The following KIFC3 variants were observed in gnomAD, a reference collection of about 807,000 sequenced individuals.
KIFC3 encodes kinesin family member C3.
KIFC3 carries 60 observed loss-of-function variants against 101.8 expected under a neutral mutation model. The ratio of observed to expected loss-of-function variants is 0.59; its 90% CI spans 0.48 to 0.73. The LOEUF is 0.73. Ranked by LOEUF, KIFC3 falls within the 30% of genes least tolerant of loss-of-function variation. The pLI is 0.00. For missense variants in KIFC3, 966 were observed against 1,137.1 expected (o/e 0.85, Z 2.16); for synonymous variants, 476 against 482.7 (o/e 0.99, Z 0.18).
rs781852346 is a variant in KIFC3 at position 57,795,138 on chromosome 16, C to T, written c.176G>A (p.Arg59His). 33 of 1,610,036 alleles carry T rather than the reference C, an allele frequency of 2.0e-5. No individual in the cohort carries two copies. The South Asian group carries it at 2.4e-4, about 12-fold the overall frequency. The change falls in exon 3 of 20, where the codon CGT becomes CAT. Residue 59 changes from arginine (R) to histidine (H), a missense_variant. Coordinates refer to ENST00000445690, the MANE Select transcript of KIFC3 (RefSeq NM_001130100.2). Reference sequence around the variant, plus strand: ...ACCGCAGACTGGGGTATCTTTTCCACGCCCTGTCCCAGGACAGAGAGATAG... The same window carrying T: ...ACCGCAGACTGGGGTATCTTTTCCATGCCCTGTCCCAGGACAGAGAGATAG... Reference protein sequence around the residue: ...HTGPGRLRTGRGKDTPVCGDE... With the variant: ...HTGPGRLRTGHGKDTPVCGDE...
intron 1 of KIFC3, among the ~76,000 whole-genome samples, chr16:57,833,015 C>T (rs2055615704): frequency 1.3e-5 from 2 of 152,048 alleles, no homozygotes; most frequent in South Asian, 4.2e-4. Context: ...CAAGACCATC[C>T]TGGCCAACAT....
intron 3 of KIFC3, chr16:57,788,670 G>A (rs2053577506): frequency 2.0e-5 from 26 of 1,289,552 alleles, no homozygotes; most frequent in South Asian, 2.5e-5. Context: ...CTCTTCTTTC[G>A]TCCCCTGACT....
chr16:57,769,513 G>T lies in KIFC3; in HGVS notation c.1218+82C>A, dbSNP rs1402043825. 24 of 1,516,574 alleles carry T rather than the reference G, an allele frequency of 1.6e-5. No individual in the cohort carries two copies. Among genetic ancestry groups the T allele is most frequent in the Non-Finnish European group, 1.9e-5 (21 of 1,128,118 alleles). The allele number at this position is 1,516,574 out of a possible 1,614,324, so 93.9% of individuals were successfully genotyped here. On this transcript the variant is annotated intron_variant, in intron 9 of 19. Transcript: ENST00000445690. The surrounding 1 kb of genome is among the most constrained non-coding windows in gnomAD (Gnocchi z 4.3). ...GTCTGAGCGGCTTTGTCTGAGCTTT[G>T]GAGGGACGCCCTGAGTGGATGTCGT...
At chr16:57,772,169 C>A in intron 4 of KIFC3, 54 bp downstream of exon 4, 1 of 1,529,874 alleles carries the variant, frequency 6.5e-7, no homozygotes, top group South Asian at 1.2e-5. Flanking sequence ...CAGGGCCCAT[C>A]TGCACAAGGC....
At chr16:57,825,013 C>T (rs529087196) in intron 1 of KIFC3, among the ~76,000 whole-genome samples, 1 of 152,318 alleles carries the variant, frequency 6.6e-6, no homozygotes, top group South Asian at 2.1e-4. Context: ...ATCACTGCGG[C>T]CAGAACCAAT....
intron 1 of KIFC3, among the ~76,000 whole-genome samples, chr16:57,858,487 A>G (rs964177161): frequency 1.3e-5 from 2 of 152,200 alleles, no homozygotes; most frequent in Non-Finnish European, 2.9e-5. Context: ...TTTATAGAAA[A>G]TTAAAGTGCA....
intron 1 of KIFC3, among the ~76,000 whole-genome samples, chr16:57,815,229 G>C (rs1236009791): frequency 1.3e-5 from 2 of 152,176 alleles, no homozygotes; most frequent in Non-Finnish European, 2.9e-5. Context: ...GCAATGCACA[G>C]AGCCCGGTGG....
chr16:57,761,204 G>A (rs375616002), intron 14 of KIFC3, 33 bp from the exon 15 acceptor site: 184 of 1,610,516 alleles, frequency 1.1e-4, no homozygotes, highest in Admixed American at 1.8e-4. Context: ...GAGGCACAGC[G>A]TTGAGAATGG....
At chr16:57,825,010 C>A (rs564196914) in intron 1 of KIFC3, among the ~76,000 whole-genome samples, 23 of 152,288 alleles carry the variant, frequency 1.5e-4, no homozygotes, top group African/African-American at 5.3e-4. Flanking sequence ...GATATCACTG[C>A]GGCCAGAACC....
intron 1 of KIFC3, among the ~76,000 whole-genome samples, chr16:57,847,243 GAAGGAAGGAAGGAAGGAAGGAAGGA>G (rs1283918843): frequency 1.9e-4 from 20 of 102,962 alleles, no homozygotes; most frequent in Middle Eastern, 4.2e-3. Context: ...AGGAAGGAAG[GAAGGAAGGAAGGAAGGAAGGAAGGA>G]AGGGAAGGGA....
At chr16:57,798,615 C>G (rs1019901025) in intron 1 of KIFC3, 15 of 413,122 alleles carry the variant, frequency 3.6e-5, no homozygotes, top group African/African-American at 8.5e-5. Context: ...GGAGGCACCG[C>G]GAGTCAGCAG....
intron 10 of KIFC3, chr16:57,765,971 T>C (rs1020778534): frequency 2.5e-5 from 6 of 243,074 alleles, no homozygotes; most frequent in Non-Finnish European, 4.0e-5. Context: ...TGGACTTCAG[T>C]TTCTTCATCC....
At chr16:57,770,005 G>C in intron 7 of KIFC3, 50 bp from the exon 8 acceptor site, 1 of 1,578,344 alleles carries the variant, frequency 6.3e-7, no homozygotes, top group Non-Finnish European at 8.6e-7. Context: ...GGAGAGAGAG[G>C]GGCAGGTGCC....
intron 1 of KIFC3, among the ~76,000 whole-genome samples, chr16:57,857,039 T>G (rs909001252): frequency 1.3e-5 from 2 of 152,148 alleles, no homozygotes; most frequent in Non-Finnish European, 2.9e-5. Flanking sequence ...ATGAATCTGA[T>G]GGATTGCTAT....
In KIFC3 at chr16:57,765,545, C is replaced by A. The variant is rs1430540427; in HGVS notation, c.1426G>T (p.Asp476Tyr). ...TTGTGCAGCAGGTGGATGATGGAGT[C>A]GTCGTCGGCATCGAAAGTCACAGCA... ...TNAVTFDADD[D>Y]SIIHLLHKGK... The change falls in exon 11 of 20, where the codon GAC becomes TAC. Residue 476 changes from aspartate to tyrosine, a missense_variant. Asp to Tyr is a radical substitution (Grantham distance 160). This residue lies in a region of KIFC3 where 689 missense variants were observed against 884.6 expected (regional missense o/e 0.78). Coordinates refer to ENST00000445690, the MANE Select transcript of KIFC3 (RefSeq NM_001130100.2). The A allele has an allele frequency of 3.7e-6, 6 of 1,600,642 alleles. No individual in the cohort carries two copies. The highest frequency in any genetic ancestry group is 4.3e-6 in the Non-Finnish European group (5 of 1,173,038).
chr16:57,857,822 C>CTTTTT (rs57102595), intron 1 of KIFC3, among the ~76,000 whole-genome samples: 1 of 92,774 alleles, frequency 1.1e-5, no homozygotes. Flanking sequence ...TTCTTTCTTT[C>CTTTTT]TTTTTTTTTT....
At chr16:57,780,418 G>A (rs1390331448) in intron 3 of KIFC3, among the ~76,000 whole-genome samples, 6 of 151,806 alleles carry the variant, frequency 4.0e-5, no homozygotes, top group African/African-American at 7.3e-5. Flanking sequence ...GGCTGAAGTG[G>A]GAGAATTCCT....
rs782590132 is a variant in KIFC3 at position 57,758,714 on chromosome 16, C to CA, written c.*219dup. 3.0e-5 allele frequency: 24 copies of CA among 799,274 alleles called. No individual in the cohort carries two copies. The highest frequency in any genetic ancestry group is 1.8e-4 in the Admixed American group (9 of 50,718). 49.5% of individuals were successfully genotyped at this position (799,274 alleles called of 1,614,324 possible). A position where few individuals can be genotyped will look rare whatever the true frequency, so the allele number is the denominator to read the frequency against. ...CCTTTCCGCCCATGCAATTTGCACT[C>CA]AGAGCCACAGCCGAGAGACACCGTT... On this transcript the variant is annotated 3_prime_UTR_variant, in exon 20 of 20. Transcript: ENST00000445690.
rs184503485 is a variant in KIFC3 at position 57,769,058 on chromosome 16, T to A, written c.1218+537A>T. On this transcript the variant is annotated intron_variant, in intron 9 of 19. Coordinates refer to ENST00000445690, the MANE Select transcript of KIFC3 (RefSeq NM_001130100.2). This position sits in a 1 kb window ranked among gnomAD's most constrained non-coding sequence, Gnocchi z 4.3. ...GCATGTTTTTTGTTTGTTTTTGAGA[T>A]AAAGTCTCGCTGTCACACAGGCTGA... Among the ~76,000 whole-genome samples, 1 of 152,328 alleles carries A rather than the reference T, an allele frequency of 6.6e-6. No homozygotes were observed. The highest frequency in any genetic ancestry group is 1.9e-4 in the East Asian group (1 of 5,188).
Sources: allele counts gnomAD v4.1 joint callset (sites outside exome capture counted in the v4.1 genomes callset), GRCh38; gene constraint gnomAD v4.1.1; regional missense constraint gnomAD v4.1.1; non-coding constraint Gnocchi (gnomAD v3.1); transcripts MANE v1.5; gene names NCBI Gene and HGNC (gene_info 2026-07-23, HGNC 2026-07-21).